Variants in PSMB1 observed in about 807,000 individuals in gnomAD.
The protein encoded by PSMB1 is proteasome subunit beta type-1.
Under a neutral mutation model 25.4 loss-of-function variants are expected in PSMB1, and 7 were observed. The ratio of observed to expected loss-of-function variants is 0.28; its 90% CI spans 0.16 to 0.52. PSMB1 has a LOEUF of 0.52. PSMB1 is among the 20% of genes least tolerant of loss of function. PSMB1 has a pLI of 0.97. For synonymous variants in PSMB1, 119 were observed against 115.0 expected (o/e 1.03, Z -0.22); for missense variants, 284 against 302.2 (o/e 0.94, Z 0.45).
chr6:170,547,386 T>C (rs1778832160), intron 2 of PSMB1, among the ~76,000 whole-genome samples: 1 of 152,210 alleles, frequency 6.6e-6, no homozygotes, highest in Non-Finnish European at 1.5e-5. Context: ...AATTCAACCG[T>C]GTATTTCAAA....
intron 1 of PSMB1, 97 bp downstream of exon 1, chr6:170,553,033 A>G (rs1322062957): frequency 9.2e-7 from 1 of 1,090,276 alleles, no homozygotes; most frequent in African/African-American, 1.6e-5. Flanking sequence ...GGCCTGCAGG[A>G]GCCCGGGGCA....
Position 170,543,626 on chromosome 6 carries a change from G to A in PSMB1, c.408C>T (p.Asn136=), listed in dbSNP as rs1161380222. Residue 136 remains asparagine (N), a synonymous_variant, in exon 4 of 6, where the codon AAC becomes AAT. Transcript: ENST00000262193. ...SRRFFPYYVY[N]IIGGLDEEGK... Reference sequence around the variant, plus strand: ...CTTCTTCATCAAGTCCACCGATGATGTTGTAAACATAGTATGGAAAGAAGC... The same window carrying A: ...CTTCTTCATCAAGTCCACCGATGATATTGTAAACATAGTATGGAAAGAAGC... 1 of 1,611,030 alleles carries A rather than the reference G, an allele frequency of 6.2e-7. No homozygotes were observed. Among genetic ancestry groups the A allele is most frequent in the Non-Finnish European group, 8.5e-7 (1 of 1,177,880 alleles).
At chr6:170,549,177 T>A (rs1396175329) in intron 1 of PSMB1, 64 bp from the exon 2 acceptor site, 7 of 900,048 alleles carry the variant, frequency 7.8e-6, no homozygotes, top group Non-Finnish European at 1.1e-5. Context: ...AATAGAAGAA[T>A]GCTCCATAGT....
chr6:170,536,570 A>G (rs1778696407), intron 5 of PSMB1: 3 of 444,288 alleles, frequency 6.8e-6, no homozygotes, highest in South Asian at 3.2e-5. Context: ...TTGTAAACAG[A>G]TGATGTAAAC....
chr6:170,537,734 C>T (rs939933039), intron 4 of PSMB1, among the ~76,000 whole-genome samples: 1 of 152,106 alleles, frequency 6.6e-6, no homozygotes, highest in African/African-American at 2.4e-5. Flanking sequence ...AGATGTAAAA[C>T]AGTTGGAAGC....
rs117806175 is a variant in PSMB1, at chr6:170,546,488, G to A, written c.222-304C>T. On this transcript the variant is annotated intron_variant, in intron 2 of 5. Transcript: ENST00000262193. The stretch of plus-strand genomic sequence containing the variant: ...AGGTTAATTGACTGATTTTTGAGAC[G>A]GAGTTTCGCTCTTGTCACCCAGGCT... 6.1e-3 allele frequency among the ~76,000 whole-genome samples: 925 copies of A among 152,194 alleles called. 13 individuals are homozygous for A. The highest frequency in any genetic ancestry group is 0.044 in the East Asian group (229 of 5,170).
chr6:170,536,355 CTT>C (rs1333824302), intron 5 of PSMB1: 1 of 447,028 alleles, frequency 2.2e-6, no homozygotes, highest in East Asian at 7.0e-5. Context: ...CAATGTTCTC[CTT>C]TGTTTTTCAT....
intron 1 of PSMB1, among the ~76,000 whole-genome samples, chr6:170,551,175 G>T (rs185551911): frequency 6.6e-6 from 1 of 152,052 alleles, no homozygotes; most frequent in African/African-American, 2.4e-5. Flanking sequence ...AGGAGATGAA[G>T]GGGAATAATT....
chr6:170,551,971 G>A (rs973038253), intron 1 of PSMB1, among the ~76,000 whole-genome samples: 10 of 152,322 alleles, frequency 6.6e-5, no homozygotes, highest in African/African-American at 2.2e-4. Context: ...GTCCTTTAGT[G>A]GCAGAACCAA....
intron 2 of PSMB1, 122 bp from the exon 3 acceptor site, chr6:170,546,306 T>A: frequency 1.3e-6 from 1 of 751,402 alleles, no homozygotes; most frequent in Non-Finnish European, 2.2e-6. Context: ...GGACAAACAG[T>A]CACCCTTCTG....
intron 4 of PSMB1, among the ~76,000 whole-genome samples, chr6:170,539,188 C>T (rs1277813968): frequency 6.6e-6 from 1 of 152,156 alleles, no homozygotes; most frequent in African/African-American, 2.4e-5. Context: ...AAAGCACAAT[C>T]ATTTCAATGT....
Position 170,543,644 on chromosome 6 carries a change from A to T in PSMB1, c.390T>A (p.Phe130Leu). Residue 130 changes from phenylalanine to leucine, a missense_variant, in exon 4 of 6, where the codon TTT becomes TTA. Transcript: ENST00000262193. ...LSTILYSRRF[F>L]PYYVYNIIGG... is the part of the protein sequence containing the mutation. ...CGATGATGTTGTAAACATAGTATGG[A>T]AAGAAGCGCCTTGAATACAGGATTG... The T allele has an allele frequency of 6.2e-7, 1 of 1,612,198 alleles. No homozygotes were observed. Among genetic ancestry groups the T allele is most frequent in the Non-Finnish European group, 8.5e-7 (1 of 1,178,358 alleles).
At chr6:170,536,365 C>T (rs1473809187) in intron 5 of PSMB1, 1 of 446,588 alleles carries the variant, frequency 2.2e-6, no homozygotes. Flanking sequence ...CTTTGTTTTT[C>T]ATTGTGTTTA....
intron 4 of PSMB1, among the ~76,000 whole-genome samples, chr6:170,541,453 T>C (rs1393671916): frequency 6.6e-6 from 1 of 152,102 alleles, no homozygotes; most frequent in Admixed American, 6.5e-5. Context: ...AGGAGGATGC[T>C]AATGAGGAAG....
At chr6:170,541,486 C>T (rs1778758404) in intron 4 of PSMB1, among the ~76,000 whole-genome samples, 1 of 152,068 alleles carries the variant, frequency 6.6e-6, no homozygotes, top group African/African-American at 2.4e-5. Context: ...AGCTAAGAAC[C>T]ATCATCTACC....
chr6:170,541,093 T>C (rs1489586625), intron 4 of PSMB1, among the ~76,000 whole-genome samples: 1 of 152,080 alleles, frequency 6.6e-6, no homozygotes, highest in African/African-American at 2.4e-5. Context: ...AGAAATCTTT[T>C]AGGAGGTAAG....
chr6:170,552,576 T>C (rs1249498746), intron 1 of PSMB1, among the ~76,000 whole-genome samples: 1 of 152,084 alleles, frequency 6.6e-6, no homozygotes, highest in East Asian at 1.9e-4. Context: ...CCACCTTCTA[T>C]TTGAAATAAA....
rs978811205 is a variant in PSMB1 at position 170,552,734 on chromosome 6, C to A, written c.113+396G>T. 3.9e-5 allele frequency among the ~76,000 whole-genome samples: 6 copies of A among 152,352 alleles called. No homozygotes were observed. The East Asian group carries it at 1.2e-3, about 29-fold the overall frequency. ...TTCAGACGCTAACCCTCTACCCTCG[C>A]CGGCTGGCATAAGAAACGTGTACAT... On this transcript the variant is annotated intron_variant, in intron 1 of 5. Transcript: ENST00000262193.
intron 4 of PSMB1, among the ~76,000 whole-genome samples, chr6:170,539,158 C>T (rs1778729198): frequency 6.6e-6 from 1 of 152,108 alleles, no homozygotes; most frequent in Non-Finnish European, 1.5e-5. Flanking sequence ...AGTGCTTTTC[C>T]TCATCAAAGT....
Sources: gnomAD v4.1 joint callset for allele counts (sites outside exome capture counted in the v4.1 genomes callset) on GRCh38, gnomAD v4.1.1 for gene constraint, MANE v1.5 for transcripts, NCBI Gene and HGNC (gene_info 2026-07-23, HGNC 2026-07-21) for gene names.